HS6ST3: variants seen among roughly 807,000 people sequenced by gnomAD.
HS6ST3 encodes heparan sulfate 6-O-sulfotransferase 3.
HS6ST3 carries 12 observed loss-of-function variants against 36.7 expected under a neutral mutation model. That is an observed-to-expected ratio of 0.33 (90% CI 0.21 to 0.53). HS6ST3 has a LOEUF of 0.53. Ranked by LOEUF, HS6ST3 falls within the 20% of genes least tolerant of loss-of-function variation. The pLI is 0.95. For synonymous variants in HS6ST3, 240 were observed against 257.5 expected (o/e 0.93, Z 0.65); for missense variants, 584 against 640.9 (o/e 0.91, Z 0.96).
intron 1 of HS6ST3, among the ~76,000 whole-genome samples, chr13:96,177,352 C>T (rs746250637): frequency 1.3e-5 from 2 of 152,084 alleles, no homozygotes; most frequent in Non-Finnish European, 2.9e-5. Flanking sequence ...TTCACAATAG[C>T]AAAGACATGG....
In HS6ST3 at chr13:96,534,273, T is replaced by A. The variant is rs192771679; in HGVS notation, c.708-298217T>A. Among the ~76,000 whole-genome samples, 714 of 152,336 alleles carry A rather than the reference T, an allele frequency of 4.7e-3. 3 individuals are homozygous for A. Among genetic ancestry groups the A allele is most frequent in the Non-Finnish European group, 8.1e-3 (553 of 68,034 alleles). ...ATGCTCATGGAACTCAGTGGAATGT[T>A]CTAATCTAGGATTTAGAGCCATCTC... On this transcript the variant is annotated intron_variant, in intron 1 of 1. Coordinates refer to ENST00000376705, the MANE Select transcript of HS6ST3 (RefSeq NM_153456.4).
At chr13:96,386,775 A>T (rs773177471) in intron 1 of HS6ST3, among the ~76,000 whole-genome samples, 7 of 152,126 alleles carry the variant, frequency 4.6e-5, no homozygotes, top group Non-Finnish European at 1.0e-4. Context: ...CTGAAGCAGG[A>T]GAATGGCTTG....
intron 1 of HS6ST3, among the ~76,000 whole-genome samples, chr13:96,661,778 G>A (rs2056647263): frequency 2.0e-5 from 3 of 152,028 alleles, no homozygotes; most frequent in Non-Finnish European, 2.9e-5. Flanking sequence ...ATTCCTTGTG[G>A]GTCCGGTCTA....
chr13:96,457,820 T>C (rs935634054), intron 1 of HS6ST3, among the ~76,000 whole-genome samples: 2 of 152,198 alleles, frequency 1.3e-5, no homozygotes, highest in African/African-American at 4.8e-5. Context: ...AAGATATAAA[T>C]TGCATGTAGG....
At chr13:96,209,275 A>G (rs1178805420) in intron 1 of HS6ST3, among the ~76,000 whole-genome samples, 4 of 152,192 alleles carry the variant, frequency 2.6e-5, no homozygotes, top group African/African-American at 9.7e-5. Flanking sequence ...TCATATTAGA[A>G]CAAGGTGTCT....
chr13:96,727,004 C>G (rs578029559), intron 1 of HS6ST3, among the ~76,000 whole-genome samples: 1 of 152,146 alleles, frequency 6.6e-6, no homozygotes, highest in Non-Finnish European at 1.5e-5. Context: ...TCTAACTATT[C>G]TTAGATCCCT....
At chr13:96,150,195 GA>G (rs2054078311) in intron 1 of HS6ST3, among the ~76,000 whole-genome samples, 1 of 152,162 alleles carries the variant, frequency 6.6e-6, no homozygotes, top group South Asian at 2.1e-4. Context: ...AGGGGACCCT[GA>G]AAGCTGGTAG....
At chr13:96,199,126 T>C (rs1003536374) in intron 1 of HS6ST3, among the ~76,000 whole-genome samples, 1 of 151,972 alleles carries the variant, frequency 6.6e-6, no homozygotes, top group Non-Finnish European at 1.5e-5. Context: ...TGGAAAAGAC[T>C]GGTCCCCATG....
At chr13:96,295,927 CAT>C (rs1174902561) in intron 1 of HS6ST3, among the ~76,000 whole-genome samples, 1 of 151,998 alleles carries the variant, frequency 6.6e-6, no homozygotes, top group Non-Finnish European at 1.5e-5. Context: ...CGTTGGGAGA[CAT>C]GTGAATAGAA....
chr13:96,317,043 G>C (rs2054973599), intron 1 of HS6ST3, among the ~76,000 whole-genome samples: 1 of 151,872 alleles, frequency 6.6e-6, no homozygotes, highest in East Asian at 1.9e-4. Flanking sequence ...GTGCAGGTTT[G>C]TTACATGGGT....
intron 1 of HS6ST3, among the ~76,000 whole-genome samples, chr13:96,822,206 G>A (rs1878549413): frequency 6.6e-6 from 1 of 152,170 alleles, no homozygotes; most frequent in African/African-American, 2.4e-5. Flanking sequence ...TCACTCCAAG[G>A]CGGCTCCAGG....
intron 1 of HS6ST3, among the ~76,000 whole-genome samples, chr13:96,823,765 G>A (rs964306168): frequency 1.3e-5 from 2 of 151,880 alleles, no homozygotes; most frequent in Admixed American, 6.6e-5. Context: ...GATTACAGTC[G>A]CATGCCACCA....
At chr13:96,423,792 T>C (rs1357790544) in intron 1 of HS6ST3, among the ~76,000 whole-genome samples, 1 of 152,074 alleles carries the variant, frequency 6.6e-6, no homozygotes, top group African/African-American at 2.4e-5. Context: ...TCAGTCTGGA[T>C]ACTGTGTCGA....
chr13:96,297,887 G>A (rs141584101), intron 1 of HS6ST3, among the ~76,000 whole-genome samples: 15 of 152,188 alleles, frequency 9.9e-5, no homozygotes, highest in African/African-American at 3.4e-4. Flanking sequence ...ACAATGCCTA[G>A]CACACAATCT....
At chr13:96,383,627 C>T (rs1481645099) in intron 1 of HS6ST3, among the ~76,000 whole-genome samples, 1 of 152,166 alleles carries the variant, frequency 6.6e-6, no homozygotes, top group African/African-American at 2.4e-5. Context: ...CTTGCTTAGA[C>T]CTTGACTGTT....
chr13:96,622,125 T>C (rs573100361), intron 1 of HS6ST3, among the ~76,000 whole-genome samples: 1 of 152,188 alleles, frequency 6.6e-6, no homozygotes, highest in East Asian at 1.9e-4. Flanking sequence ...GGTCTGCACC[T>C]GGATTTGAAA....
intron 1 of HS6ST3, among the ~76,000 whole-genome samples, chr13:96,666,317 A>G (rs986705474): frequency 1.5e-4 from 23 of 152,130 alleles, no homozygotes; most frequent in African/African-American, 5.6e-4. Flanking sequence ...AGGGACTACA[A>G]TTCAAGGCGA....
chr13:96,126,515 G>A (rs2053951921), intron 1 of HS6ST3, among the ~76,000 whole-genome samples: 1 of 152,184 alleles, frequency 6.6e-6, no homozygotes, highest in African/African-American at 2.4e-5. Flanking sequence ...GGTGCAATGG[G>A]CAGCATAGCA....
At chr13:96,388,783 G>A (rs1470846029) in intron 1 of HS6ST3, among the ~76,000 whole-genome samples, 1 of 152,220 alleles carries the variant, frequency 6.6e-6, no homozygotes, top group East Asian at 1.9e-4. Context: ...AGACCTAATG[G>A]TTTTATAAGC....
Sources: gnomAD v4.1 joint callset for allele counts (sites outside exome capture counted in the v4.1 genomes callset) on GRCh38, gnomAD v4.1.1 for gene constraint, MANE v1.5 for transcripts, NCBI Gene and HGNC (gene_info 2026-07-23, HGNC 2026-07-21) for gene names.